KCNK9: variants seen among roughly 807,000 people sequenced by gnomAD.
KCNK9 encodes potassium two pore domain channel subfamily K member 9.
KCNK9 carries 1 observed loss-of-function variant against 10.8 expected under a neutral mutation model. That is an observed-to-expected ratio of 0.09 (90% CI 0.03 to 0.44). KCNK9 has a LOEUF of 0.44. KCNK9 is among the 20% of genes least tolerant of loss of function. The pLI is 0.97. For missense variants in KCNK9, 303 were observed against 515.0 expected (o/e 0.59, Z 3.98); for synonymous variants, 231 against 222.7 (o/e 1.04, Z -0.33).
intron 2 of KCNK9, among the ~76,000 whole-genome samples, chr8:139,603,981 C>T (rs570642145): frequency 9.8e-5 from 15 of 152,316 alleles, no homozygotes; most frequent in Middle Eastern, 3.4e-3. Context: ...ATGAGTTGGA[C>T]GGTCCCACAG....
chr8:139,654,070 C>T (rs914554141), intron 1 of KCNK9, among the ~76,000 whole-genome samples: 2 of 152,214 alleles, frequency 1.3e-5, no homozygotes, highest in Non-Finnish European at 2.9e-5. Flanking sequence ...AGGGCCTTGT[C>T]AAGTCAATTG....
intron 1 of KCNK9, among the ~76,000 whole-genome samples, chr8:139,674,934 C>T (rs1367335703): frequency 6.6e-6 from 1 of 152,142 alleles, no homozygotes; most frequent in Non-Finnish European, 1.5e-5. Flanking sequence ...ACTCTGGATC[C>T]CCTCTCCCTA....
At chr8:139,655,077 C>T (rs1563737520) in intron 1 of KCNK9, among the ~76,000 whole-genome samples, 1 of 152,070 alleles carries the variant, frequency 6.6e-6, no homozygotes, top group African/African-American at 2.4e-5. Context: ...AGTCTGGTGT[C>T]GAGATCCAAA....
intron 1 of KCNK9, among the ~76,000 whole-genome samples, chr8:139,628,755 T>TA (rs2130129106): frequency 6.6e-6 from 1 of 152,342 alleles, no homozygotes; most frequent in South Asian, 2.1e-4. Flanking sequence ...GGACTAAATA[T>TA]ATAAAATATA....
At chr8:139,687,595 C>CATAT (rs1217177422) in intron 1 of KCNK9, among the ~76,000 whole-genome samples, 41 of 63,318 alleles carry the variant, frequency 6.5e-4, no homozygotes, top group African/African-American at 2.2e-3. Context: ...CATATATATT[C>CATAT]ATATGTATAC....
chr8:139,647,810 G>A (rs577303315), intron 1 of KCNK9, among the ~76,000 whole-genome samples: 2 of 152,264 alleles, frequency 1.3e-5, no homozygotes, highest in South Asian at 2.1e-4. Context: ...CTCCCGTTCC[G>A]CCCTTACCCC....
At chr8:139,672,508 A>T (rs879056449) in intron 1 of KCNK9, among the ~76,000 whole-genome samples, 1 of 152,220 alleles carries the variant, frequency 6.6e-6, no homozygotes, top group African/African-American at 2.4e-5. Flanking sequence ...CCAACAGCCA[A>T]CACCAGGCCA....
chr8:139,661,328 T>C (rs1168716299), intron 1 of KCNK9, among the ~76,000 whole-genome samples: 2 of 152,156 alleles, frequency 1.3e-5, no homozygotes, highest in African/African-American at 4.8e-5. Flanking sequence ...CTTTGGGACA[T>C]TTCCATTTTC....
intron 1 of KCNK9, among the ~76,000 whole-genome samples, chr8:139,627,000 G>T (rs963280336): frequency 2.6e-5 from 4 of 152,160 alleles, no homozygotes; most frequent in Non-Finnish European, 2.9e-5. Flanking sequence ...TTTAAACCCA[G>T]GCGTCTGCAA....
At chr8:139,625,827 C>T (rs552759149) in intron 1 of KCNK9, among the ~76,000 whole-genome samples, 15 of 152,214 alleles carry the variant, frequency 9.9e-5, no homozygotes, top group East Asian at 3.9e-4. Context: ...TGGAGCTCCC[C>T]GAAAAACCAG....
intron 1 of KCNK9, among the ~76,000 whole-genome samples, chr8:139,632,213 C>T (rs978303452): frequency 2.6e-5 from 4 of 152,152 alleles, no homozygotes; most frequent in African/African-American, 7.2e-5. Flanking sequence ...GCCTCATTGA[C>T]ACGAGTCACC....
intron 1 of KCNK9, among the ~76,000 whole-genome samples, chr8:139,640,881 C>G (rs188488553): frequency 6.6e-6 from 1 of 152,390 alleles, no homozygotes; most frequent in East Asian, 1.9e-4. Context: ...TGCACCGTCA[C>G]TCGGAGCTCA....
At chr8:139,631,819 A>T (rs1337352660) in intron 1 of KCNK9, among the ~76,000 whole-genome samples, 1 of 152,268 alleles carries the variant, frequency 6.6e-6, no homozygotes, top group South Asian at 2.1e-4. Flanking sequence ...GTAATAATTG[A>T]TATATTTTGT....
intron 1 of KCNK9, among the ~76,000 whole-genome samples, chr8:139,659,060 G>A (rs1050422736): frequency 2.6e-5 from 4 of 152,228 alleles, no homozygotes; most frequent in African/African-American, 7.2e-5. Flanking sequence ...AGCCAGAAAG[G>A]CATTCTAGGA....
Position 139,617,667 on chromosome 8 carries a change from C to T in KCNK9, c.*591G>A, listed in dbSNP as rs1433295459. ...TCAAAAACCTTGTGGGTTTTGTCTTCCCGTTTTGTTTGGAAGCAGCCAAAA... is the reference window on the plus strand; with the variant it reads ...TCAAAAACCTTGTGGGTTTTGTCTTTCCGTTTTGTTTGGAAGCAGCCAAAA... On this transcript the variant is annotated 3_prime_UTR_variant, in exon 2 of 2. Coordinates refer to ENST00000520439, the MANE Select transcript of KCNK9 (RefSeq NM_001282534.2). Among the ~76,000 whole-genome samples the T allele has an allele frequency of 1.3e-5, 2 of 152,232 alleles. No homozygotes were observed. The highest frequency in any genetic ancestry group is 4.1e-4 in the South Asian group (2 of 4,822).
In KCNK9 at chr8:139,702,416, T is replaced by C. The variant is rs903331454; in HGVS notation, c.283+294A>G. Among the ~76,000 whole-genome samples, 1 of 151,962 alleles carries C rather than the reference T, an allele frequency of 6.6e-6. No homozygotes were observed. The highest frequency in any genetic ancestry group is 6.5e-5 in the Admixed American group (1 of 15,282). ...TGGGATTATTCTTAGCGCTCCACTC[T>C]CTTCGCAAAAGTGGCGCCTCCGCCC... On this transcript the variant is annotated intron_variant, in intron 1 of 1. Coordinates refer to ENST00000520439, the MANE Select transcript of KCNK9 (RefSeq NM_001282534.2). This position sits in a 1 kb window ranked among gnomAD's most constrained non-coding sequence, Gnocchi z 7.5.
chr8:139,618,666 G>C lies in KCNK9; in HGVS notation c.717C>G (p.Leu239=). Reference sequence around the variant, plus strand: ...TCAAGAACCTGAGGACGACCAGGTTGAGGAAGGCCCCGATGACCGTCAGCC... The same window carrying C: ...TCAAGAACCTGAGGACGACCAGGTTCAGGAAGGCCCCGATGACCGTCAGCC... The part of the protein sequence containing the change: ...LVGLTVIGAF[L]NLVVLRFLTM... Residue 239 remains leucine, a synonymous_variant, in exon 2 of 2, where the codon CTC becomes CTG. Coordinates refer to ENST00000520439, the MANE Select transcript of KCNK9 (RefSeq NM_001282534.2). The surrounding 1 kb of genome is among the most constrained non-coding windows in gnomAD (Gnocchi z 7.9). 1 of 1,614,208 alleles carries C rather than the reference G, an allele frequency of 6.2e-7. No individual in the cohort carries two copies. Among genetic ancestry groups the C allele is most frequent in the Non-Finnish European group, 8.5e-7 (1 of 1,180,026 alleles).
chr8:139,682,328 TG>T (rs1406686927), intron 1 of KCNK9, among the ~76,000 whole-genome samples: 1 of 152,100 alleles, frequency 6.6e-6, no homozygotes, highest in Non-Finnish European at 1.5e-5. Flanking sequence ...CCTCAGCCCC[TG>T]GGAGATGAAG....
At chr8:139,659,587 C>T (rs1056302281) in intron 1 of KCNK9, among the ~76,000 whole-genome samples, 2 of 152,190 alleles carry the variant, frequency 1.3e-5, no homozygotes, top group Admixed American at 1.3e-4. Context: ...TCTCGGCTCA[C>T]TGCAAGCTCC....
Sources: gnomAD v4.1 joint callset for allele counts (sites outside exome capture counted in the v4.1 genomes callset) on GRCh38, gnomAD v4.1.1 for gene constraint, Gnocchi (gnomAD v3.1) non-coding constraint, MANE v1.5 for transcripts, NCBI Gene and HGNC (gene_info 2026-07-23, HGNC 2026-07-21) for gene names.